Variants in PNLIPRP1 observed in about 807,000 individuals in gnomAD.
PNLIPRP1 encodes the protein inactive pancreatic lipase-related protein 1.
A neutral mutation model predicts 54.6 loss-of-function variants in PNLIPRP1; 57 were observed. The ratio of observed to expected loss-of-function variants is 1.04; its 90% CI spans 0.84 to 1.30. PNLIPRP1 has a LOEUF of 1.30. Ranked by LOEUF, PNLIPRP1 falls within the 50% of genes most tolerant of loss-of-function variation. The pLI is 0.00. For synonymous variants in PNLIPRP1, 232 were observed against 208.8 expected, an observed-to-expected ratio of 1.11 and a Z score of -0.96; for missense variants, 567 against 568.5, an observed-to-expected ratio of 1.00 and a Z score of 0.03.
intron 12 of PNLIPRP1, among the ~76,000 whole-genome samples, chr10:116,607,462 C>A (rs962001257): frequency 6.6e-6 from 1 of 151,966 alleles, no homozygotes; most frequent in Non-Finnish European, 1.5e-5. Context: ...AGCAGAGGGC[C>A]GCGGGGAGGC....
At chr10:116,595,111 G>A in intron 5 of PNLIPRP1, 1 of 477,344 alleles carries the variant, frequency 2.1e-6, no homozygotes, top group Non-Finnish European at 3.8e-6. Flanking sequence ...CTGAGGCCCA[G>A]AAAGTTTAAC....
intron 1 of PNLIPRP1, 25 bp downstream of exon 1, chr10:116,591,020 C>G (rs112405581): frequency 0.016 from 12,673 of 776,372 alleles, 139 homozygotes; most frequent in Non-Finnish European, 0.021. Flanking sequence ...CAACTCCTTT[C>G]CCCCTGCTGT....
chr10:116,608,002 T>C (rs1847964600), intron 12 of PNLIPRP1, among the ~76,000 whole-genome samples: 1 of 152,052 alleles, frequency 6.6e-6, no homozygotes, highest in Non-Finnish European at 1.5e-5. Context: ...ATTACAGGCA[T>C]GCACCACCAC....
chr10:116,592,759 T>C, intron 4 of PNLIPRP1: 2 of 627,370 alleles, frequency 3.2e-6, no homozygotes, highest in Non-Finnish European at 5.8e-6. Context: ...TCCTACTACC[T>C]AATTTCTGGT....
At position 116,600,181 on chromosome 10, in the gene PNLIPRP1, G is replaced by A. The variant is rs1564738267; in HGVS notation, c.933+16G>A. 2.0e-6 allele frequency: 3 copies of A among 1,528,612 alleles called. No homozygotes were observed. In the Admixed American group the frequency reaches 5.0e-5, roughly 26 times the overall value. The allele number at this position is 1,528,612 out of a possible 1,614,324, so 94.7% of individuals were successfully genotyped here. A position where few individuals can be genotyped will look rare whatever the true frequency, so the allele number is the denominator to read the frequency against. ...CTTTGAGTCTGTAAGCTATTGTCCTGCCTCGAGCAACAAGCATCACCCCTC... is the reference window on the plus strand; with the variant it reads ...CTTTGAGTCTGTAAGCTATTGTCCTACCTCGAGCAACAAGCATCACCCCTC... On this transcript the variant is annotated intron_variant, in intron 9 of 12. Transcript: ENST00000358834.
At chr10:116,595,928 T>C in intron 5 of PNLIPRP1, 1 of 293,584 alleles carries the variant, frequency 3.4e-6, no homozygotes, top group South Asian at 4.9e-5. Flanking sequence ...TGGCAAGTGC[T>C]TGGGGGATAG....
At position 116,605,528 on chromosome 10, in the gene PNLIPRP1, G is replaced by A; in HGVS notation, c.1315G>A (p.Val439Met). Residue 439 changes from valine (V) to methionine (M), a missense_variant, in exon 12 of 13, where the codon GTG becomes ATG. Physicochemically the swap from Val to Met is conservative, Grantham distance 21. Transcript: ENST00000358834. Reference protein sequence around the residue: ...LPKVGATKITVQKGEEKTVYN... With the variant: ...LPKVGATKITMQKGEEKTVYN... Reference sequence around the variant, plus strand: ...CAAAGTGGGTGCCACCAAGATCACTGTGCAAAAGGGAGAAGAGAAGACAGT... The same window carrying A: ...CAAAGTGGGTGCCACCAAGATCACTATGCAAAAGGGAGAAGAGAAGACAGT... The A allele has an allele frequency of 6.2e-7, 1 of 1,605,804 alleles. No individual in the cohort carries two copies. Among genetic ancestry groups the A allele is most frequent in the Non-Finnish European group, 8.5e-7 (1 of 1,174,414 alleles).
intron 9 of PNLIPRP1, 146 bp downstream of exon 9, chr10:116,600,311 A>C (rs1847812119): frequency 1.7e-5 from 10 of 592,672 alleles, no homozygotes; most frequent in Admixed American, 8.3e-5. Flanking sequence ...AAGAGAAAAA[A>C]AAGTAAACAA....
chr10:116,602,194 C>A (rs909774144), intron 10 of PNLIPRP1, among the ~76,000 whole-genome samples: 5 of 151,732 alleles, frequency 3.3e-5, no homozygotes, highest in African/African-American at 1.2e-4. Flanking sequence ...TTTTTTTTTA[C>A]ATTTTTAGTA....
intron 4 of PNLIPRP1, 98 bp downstream of exon 4, chr10:116,592,639 G>A: frequency 1.4e-6 from 2 of 1,406,522 alleles, no homozygotes; most frequent in Non-Finnish European, 2.0e-6. Flanking sequence ...TACATATTAG[G>A]TAACTTTATG....
Position 116,597,821 on chromosome 10 carries a change from C to T in PNLIPRP1, c.575-7C>T, listed in dbSNP as rs1847762913. The T allele has an allele frequency of 4.3e-6, 7 of 1,614,154 alleles. No individual in the cohort carries two copies. The highest frequency in any genetic ancestry group is 5.9e-6 in the Non-Finnish European group (7 of 1,180,014). ...TATTGTTCTGCAGTGCTGATCATCT[C>T]TTTTAGGGTTGGATCCTGTAGAAGC... On this transcript the variant is annotated splice_region_variant and splice_polypyrimidine_tract_variant and intron_variant, in intron 6 of 12. Coordinates refer to ENST00000358834, the MANE Select transcript of PNLIPRP1 (RefSeq NM_006229.4).
chr10:116,606,845 G>A (rs997393263), intron 12 of PNLIPRP1, among the ~76,000 whole-genome samples: 9 of 152,166 alleles, frequency 5.9e-5, no homozygotes, highest in East Asian at 1.9e-4. Flanking sequence ...AGCTCCCCTC[G>A]CTGTCTGCTC....
intron 12 of PNLIPRP1, among the ~76,000 whole-genome samples, chr10:116,608,110 C>T (rs1253446095): frequency 1.3e-5 from 2 of 152,168 alleles, no homozygotes; most frequent in Non-Finnish European, 2.9e-5. Context: ...CCTGCCTCGA[C>T]CTCCCAAAAG....
rs1486377704 is a variant in PNLIPRP1, at chr10:116,600,169, A to T, written c.933+4A>T. 6.3e-7 allele frequency: 1 copy of T among 1,580,034 alleles called. No homozygotes were observed. The highest frequency in any genetic ancestry group is 8.7e-7 in the Non-Finnish European group (1 of 1,149,074). ...TTCCTACAAGTCCTTTGAGTCTGTA[A>T]GCTATTGTCCTGCCTCGAGCAACAA... is the stretch of plus-strand genomic sequence containing the variant. On this transcript the variant is annotated splice_donor_region_variant and intron_variant, in intron 9 of 12. Transcript: ENST00000358834.
At chr10:116,591,093 G>T in intron 1 of PNLIPRP1, 37 bp from the exon 2 acceptor site, 1 of 1,582,430 alleles carries the variant, frequency 6.3e-7, no homozygotes, top group Non-Finnish European at 8.7e-7. Flanking sequence ...CTCTGGCAAT[G>T]CCCGGTGAGA....
rs782011749 is a variant in PNLIPRP1, at chr10:116,598,112, G to A, written c.760G>A (p.Gly254Arg). Residue 254 changes from glycine (G) to arginine (R), a missense_variant, in exon 8 of 13, where the codon GGA (glycine) becomes AGA (arginine). Physicochemically the swap from Gly to Arg is moderately radical, Grantham distance 125. Coordinates refer to ENST00000358834, the MANE Select transcript of PNLIPRP1 (RefSeq NM_006229.4). ...FFPNGGESMP[G>R]CKKNALSQIV... ...CCCCAATGGAGGAGAGAGCATGCCG[G>A]GATGCAAGAAGAATGCCCTGTCTCA... is the stretch of plus-strand genomic sequence containing the variant. 2.5e-6 allele frequency: 4 copies of A among 1,613,996 alleles called. No individual in the cohort carries two copies. In the African/African-American group the frequency reaches 5.3e-5, roughly 22 times the overall value.
Position 116,594,802 on chromosome 10 carries a change from C to A in PNLIPRP1, c.403C>A (p.Gln135Lys). 5 of 1,614,202 alleles carry A rather than the reference C, an allele frequency of 3.1e-6. No homozygotes were observed. The highest frequency in any genetic ancestry group is 4.2e-6 in the Non-Finnish European group (5 of 1,180,044). ...GAAGGGCTCCCAAGCCACCTACACA[C>A]AGGCTGCCAACAACGTGCGAGTGGT... is the stretch of plus-strand genomic sequence containing the variant. ...WKKGSQATYT[Q>K]AANNVRVVGA... The change falls in exon 5 of 13, where the codon CAG becomes AAG. Residue 135 changes from glutamine (Q) to lysine (K), a missense_variant. Gln to Lys is a moderately conservative substitution (Grantham distance 53, BLOSUM62 1). Coordinates refer to ENST00000358834, the MANE Select transcript of PNLIPRP1 (RefSeq NM_006229.4).
At chr10:116,603,912 T>C in intron 10 of PNLIPRP1, 118 bp from the exon 11 acceptor site, 2 of 517,836 alleles carry the variant, frequency 3.9e-6, no homozygotes. Flanking sequence ...TAATAATAAT[T>C]TTTTAGAAAA....
chr10:116,597,912 T>C lies in PNLIPRP1; in HGVS notation c.659T>C (p.Ile220Thr). ...TCTGATGCTGACTTTGTTGATGTGA[T>C]TCACACGGATGCAGCTCCCCTGATC... Reference protein sequence around the residue: ...DPSDADFVDVIHTDAAPLIPF... With the variant: ...DPSDADFVDVTHTDAAPLIPF... Residue 220 changes from isoleucine (I) to threonine (T), a missense_variant, in exon 7 of 13, where the codon ATT becomes ACT. Physicochemically the swap from Ile to Thr is moderately conservative, Grantham distance 89. Transcript: ENST00000358834. The C allele has an allele frequency of 1.2e-6, 2 of 1,614,248 alleles. No homozygotes were observed. Among genetic ancestry groups the C allele is most frequent in the Non-Finnish European group, 1.7e-6 (2 of 1,180,040 alleles).
Sources: allele counts gnomAD v4.1 joint callset (sites outside exome capture counted in the v4.1 genomes callset), GRCh38; gene constraint gnomAD v4.1.1; transcripts MANE v1.5; gene names NCBI Gene and HGNC (gene_info 2026-07-23, HGNC 2026-07-21).